CD59: variants seen among roughly 807,000 people sequenced by gnomAD.
The protein encoded by CD59 is CD59 molecule (CD59 blood group), also known as CD59 glycoprotein.
CD59 carries 3 observed loss-of-function variants against 7.0 expected under a neutral mutation model. The observed-to-expected ratio is 0.43, with a 90% confidence interval of 0.19 to 1.10. CD59 has a LOEUF of 1.10. CD59 is among the 50% of genes least tolerant of loss of function. The pLI is 0.29. For synonymous variants in CD59, 60 were observed against 62.0 expected (o/e 0.97, Z 0.15); for missense variants, 143 against 151.0 (o/e 0.95, Z 0.28).
In CD59 at chr11:33,710,095, G is replaced by A. The variant is rs1463962464; in HGVS notation, c.*31C>T. 1.3e-6 allele frequency: 2 copies of A among 1,517,044 alleles called. No individual in the cohort carries two copies. The highest frequency in any genetic ancestry group is 1.8e-6 in the Non-Finnish European group (2 of 1,096,838). 94.0% of individuals were successfully genotyped at this position (1,517,044 alleles called of 1,614,324 possible). On this transcript the variant is annotated 3_prime_UTR_variant, in exon 4 of 4. Transcript: ENST00000642928. ...GAGAAAGCGGACTACGCAGGAACGG[G>A]GAGTTTGGGAGAAGCTCTCCTGGTG...
intron 2 of CD59, among the ~76,000 whole-genome samples, chr11:33,721,689 G>A (rs897133941): frequency 1.3e-5 from 2 of 152,196 alleles, no homozygotes; most frequent in African/African-American, 4.8e-5. Context: ...GAGAGGGGGT[G>A]GCCCAGTGAC....
At chr11:33,723,021 C>T (rs776185875) in intron 1 of CD59, 37 of 977,278 alleles carry the variant, frequency 3.8e-5, no homozygotes, top group Non-Finnish European at 4.3e-5. Context: ...GTTTCCATTA[C>T]GTGAATGCCT....
Position 33,709,571 on chromosome 11 carries a change from C to G in CD59, c.*555G>C, listed in dbSNP as rs1365736149. The G allele has an allele frequency of 5.7e-6, 1 of 173,980 alleles. No homozygotes were observed. Among genetic ancestry groups the G allele is most frequent in the Non-Finnish European group, 1.3e-5 (1 of 79,902 alleles). The allele number at this position is 173,980 out of a possible 1,614,324, so 10.8% of individuals were successfully genotyped here. A position where few individuals can be genotyped will look rare whatever the true frequency, so the allele number is the denominator to read the frequency against. ...TCTCTAAGTTTTCATGCCCTGCTAT[C>G]TGGAACACTTCCCCACTTCCCTGCC... On this transcript the variant is annotated 3_prime_UTR_variant, in exon 4 of 4. Transcript: ENST00000642928.
intron 1 of CD59, among the ~76,000 whole-genome samples, chr11:33,730,078 T>C (rs1240583821): frequency 6.6e-6 from 1 of 152,184 alleles, no homozygotes; most frequent in African/African-American, 2.4e-5. Flanking sequence ...ATAAAATGTA[T>C]ATAGATACTA....
At chr11:33,723,726 T>C (rs1344638672) in intron 1 of CD59, among the ~76,000 whole-genome samples, 1 of 152,110 alleles carries the variant, frequency 6.6e-6, no homozygotes, top group East Asian at 1.9e-4. Flanking sequence ...AGCGGCTTGC[T>C]TGGTTCCCCA....
At chr11:33,722,726 A>C in intron 1 of CD59, 1 of 1,244,982 alleles carries the variant, frequency 8.0e-7, no homozygotes, top group South Asian at 1.5e-5. Context: ...AGTGAGTCAA[A>C]TGACAATATG....
Position 33,736,209 on chromosome 11 carries a change from C to T in CD59, c.-19+173G>A, listed in dbSNP as rs568298989. On this transcript the variant is annotated intron_variant, in intron 1 of 3. Coordinates refer to ENST00000642928, the MANE Select transcript of CD59 (RefSeq NM_000611.6). The surrounding 1 kb of genome is among the most constrained non-coding windows in gnomAD (Gnocchi z 4.4). ...ATGAAGCCAGCGTTCGGCTAGGACA[C>T]CGGGCCGCGGTGACGGGTTGGAAGG... Among the ~76,000 whole-genome samples the T allele has an allele frequency of 6.6e-6, 1 of 152,302 alleles. No homozygotes were observed. The highest frequency in any genetic ancestry group is 1.9e-4 in the East Asian group (1 of 5,174).
At chr11:33,735,278 C>G (rs116735044) in intron 1 of CD59, among the ~76,000 whole-genome samples, 1 of 152,158 alleles carries the variant, frequency 6.6e-6, no homozygotes, top group South Asian at 2.1e-4. Flanking sequence ...GAGCGCTTTC[C>G]GTCAATCATC....
intron 3 of CD59, among the ~76,000 whole-genome samples, chr11:33,713,860 T>C (rs990547420): frequency 6.6e-6 from 1 of 152,226 alleles, no homozygotes; most frequent in Non-Finnish European, 1.5e-5. Flanking sequence ...CACATAAAAG[T>C]GGCTTATATC....
At chr11:33,721,226 C>T (rs1254449807) in intron 2 of CD59, among the ~76,000 whole-genome samples, 1 of 152,214 alleles carries the variant, frequency 6.6e-6, no homozygotes, top group Non-Finnish European at 1.5e-5. Flanking sequence ...GGTGCCATGA[C>T]TTCTCTTTCT....
intron 1 of CD59, among the ~76,000 whole-genome samples, chr11:33,733,861 ACTC>A (rs1364603005): frequency 6.6e-6 from 1 of 152,162 alleles, no homozygotes; most frequent in African/African-American, 2.4e-5. Flanking sequence ...GAGTATGGTT[ACTC>A]CTCCTAGGAG....
At chr11:33,731,856 T>G (rs1854427189) in intron 1 of CD59, among the ~76,000 whole-genome samples, 1 of 152,268 alleles carries the variant, frequency 6.6e-6, no homozygotes, top group Non-Finnish European at 1.5e-5. Context: ...CCTTGTGATA[T>G]GGTTTGGTTG....
chr11:33,717,754 C>G (rs949609561), intron 2 of CD59: 2 of 410,008 alleles, frequency 4.9e-6, no homozygotes, highest in Admixed American at 7.2e-5. Flanking sequence ...GATTAGTCTG[C>G]AATGTAATGA....
At position 33,729,062 on chromosome 11, in the gene CD59, TTGG is replaced by T. The variant is rs1310232944; in HGVS notation, c.-18-6602_-18-6600del. ...GAGAAACAGGAATGCTTTTACACTG[TTGG>T]TGGGAGTGTAAATTAGTTCAACCAT... On this transcript the variant is annotated intron_variant, in intron 1 of 3. Transcript: ENST00000642928. 8.5e-5 allele frequency among the ~76,000 whole-genome samples: 13 copies of T among 152,216 alleles called. 1 individual carries two copies. The South Asian group carries it at 1.2e-3, about 15-fold the overall frequency.
chr11:33,711,482 G>A (rs780251589), intron 3 of CD59: 4 of 689,388 alleles, frequency 5.8e-6, no homozygotes, highest in South Asian at 4.6e-5. Flanking sequence ...CGGCCAGCCT[G>A]GGCAACATAG....
At chr11:33,728,247 A>G (rs1854313990) in intron 1 of CD59, among the ~76,000 whole-genome samples, 1 of 152,230 alleles carries the variant, frequency 6.6e-6, no homozygotes, top group Non-Finnish European at 1.5e-5. Context: ...AGCTGGAGGC[A>G]TCACGCTACC....
chr11:33,729,286 GA>G (rs755176372), intron 1 of CD59, among the ~76,000 whole-genome samples: 2 of 152,192 alleles, frequency 1.3e-5, no homozygotes, highest in Non-Finnish European at 2.9e-5. Flanking sequence ...ACTGGATAAA[GA>G]AAATGTGGCA....
At chr11:33,722,136 T>G (rs550906584) in intron 2 of CD59, among the ~76,000 whole-genome samples, 2 of 152,146 alleles carry the variant, frequency 1.3e-5, no homozygotes, top group South Asian at 4.1e-4. Context: ...CCGCCGATTG[T>G]TGACCCACCC....
At position 33,722,756 on chromosome 11, in the gene CD59, C is replaced by A. The variant is rs1277590606; in HGVS notation, c.-18-293G>T. ...AATATGAGCAAATTGACTCATATAGCCACTGTGGTTCCCACTCTACTGGCC... is the reference window on the plus strand; with the variant it reads ...AATATGAGCAAATTGACTCATATAGACACTGTGGTTCCCACTCTACTGGCC... On this transcript the variant is annotated intron_variant, in intron 1 of 3. Coordinates refer to ENST00000642928, the MANE Select transcript of CD59 (RefSeq NM_000611.6). 8 of 1,140,266 alleles carry A rather than the reference C, an allele frequency of 7.0e-6. No homozygotes were observed. In the South Asian group the frequency reaches 1.1e-4, roughly 16 times the overall value. The allele number at this position is 1,140,266 out of a possible 1,614,324, so 70.6% of individuals were successfully genotyped here.
Sources: allele counts gnomAD v4.1 joint callset (sites outside exome capture counted in the v4.1 genomes callset), GRCh38; gene constraint gnomAD v4.1.1; non-coding constraint Gnocchi (gnomAD v3.1); transcripts MANE v1.5; gene names NCBI Gene and HGNC (gene_info 2026-07-23, HGNC 2026-07-21).